The following WNT6 variants were observed in gnomAD, a reference collection of about 807,000 sequenced individuals.
The protein encoded by WNT6 is protein Wnt-6.
In WNT6, 27 loss-of-function variants were observed where a neutral mutation model predicts 33.1. That is an observed-to-expected ratio of 0.82 (90% CI 0.60 to 1.12). The LOEUF is 1.12. WNT6 is among the 50% of genes most tolerant of loss of function. The probability of loss-of-function intolerance (pLI) is 0.00; values close to 1 mark genes in which losing one functional copy is unlikely to be tolerated. For missense variants in WNT6, 494 were observed against 535.3 expected (o/e 0.92, Z 0.76); for synonymous variants, 249 against 242.8 (o/e 1.03, Z -0.24).
At chr2:218,865,163 C>T (rs1037562067) in intron 1 of WNT6, among the ~76,000 whole-genome samples, 6 of 152,204 alleles carry the variant, frequency 3.9e-5, no homozygotes, top group African/African-American at 1.4e-4. Context: ...GCTCATCAGG[C>T]CCAGCAAGCG....
In WNT6 at chr2:218,871,630, C is replaced by G. The variant is rs1323006410; in HGVS notation, c.447C>G (p.Pro149=). 6.8e-7 allele frequency: 1 copy of G among 1,472,664 alleles called. No homozygotes were observed. The highest frequency in any genetic ancestry group is 8.9e-7 in the Non-Finnish European group (1 of 1,117,538). 91.2% of individuals were successfully genotyped at this position (1,472,664 alleles called of 1,614,324 possible). ...CCCCTCCCCGGCCCTCCGGCCTGCC[C>G]GGCACCCCCGGACCCCCTGGCCCCG... ...GRAPPRPSGL[P]GTPGPPGPAG... The change falls in exon 3 of 4, where the codon CCC becomes CCG. Residue 149 remains proline, a synonymous_variant. Coordinates refer to ENST00000233948, the MANE Select transcript of WNT6 (RefSeq NM_006522.4). The surrounding 1 kb of genome is among the most constrained non-coding windows in gnomAD (Gnocchi z 6.4).
intron 3 of WNT6, among the ~76,000 whole-genome samples, chr2:218,872,354 A>G (rs539978712): frequency 6.6e-6 from 1 of 152,302 alleles, no homozygotes; most frequent in African/African-American, 2.4e-5. Context: ...AGGACAAGGA[A>G]CCAATCCTAG....
At chr2:218,870,960 C>A in intron 1 of WNT6, 67 bp from the exon 2 acceptor site, 2 of 1,439,332 alleles carry the variant, frequency 1.4e-6, no homozygotes, top group South Asian at 2.7e-5. Context: ...TGGGGCTGGT[C>A]CTCCTCCCTT....
At chr2:218,865,384 A>C (rs1449841333) in intron 1 of WNT6, among the ~76,000 whole-genome samples, 2 of 152,180 alleles carry the variant, frequency 1.3e-5, no homozygotes, top group African/African-American at 4.8e-5. Context: ...GCTGAGGGAG[A>C]GAAAGGGCTC....
At chr2:218,868,521 CG>C (rs1189908711) in intron 1 of WNT6, among the ~76,000 whole-genome samples, 2 of 152,032 alleles carry the variant, frequency 1.3e-5, no homozygotes, top group East Asian at 3.9e-4. Flanking sequence ...GCAGAGCCCC[CG>C]ACTCACAGGT....
At chr2:218,872,447 A>G (rs1184575308) in intron 3 of WNT6, among the ~76,000 whole-genome samples, 3 of 152,298 alleles carry the variant, frequency 2.0e-5, no homozygotes, top group African/African-American at 7.2e-5. Context: ...CAGCAACACC[A>G]GCCCAGGTCT....
chr2:218,863,795 A>G (rs10211343), intron 1 of WNT6, among the ~76,000 whole-genome samples: 29,730 of 152,070 alleles, frequency 0.2, 6,640 homozygotes, highest in African/African-American at 0.55. Context: ...GTTGCAGTGA[A>G]CCGAGATCCA....
At chr2:218,868,745 T>C (rs187953326) in intron 1 of WNT6, among the ~76,000 whole-genome samples, 2 of 152,342 alleles carry the variant, frequency 1.3e-5, no homozygotes, top group Admixed American at 1.3e-4. Flanking sequence ...TATAATATAC[T>C]ACAGGTATTA....
At position 218,871,842 on chromosome 2, in the gene WNT6, G is replaced by A; in HGVS notation, c.636+23G>A. 2 of 1,553,210 alleles carry A rather than the reference G, an allele frequency of 1.3e-6. No homozygotes were observed. The highest frequency in any genetic ancestry group is 1.7e-6 in the Non-Finnish European group (2 of 1,150,762). ...CTGGTGCGTACGGGCAGGATGGAGT[G>A]AGTGTGTGCGGAAATGTGAGTGTGC... On this transcript the variant is annotated intron_variant, in intron 3 of 3. Coordinates refer to ENST00000233948, the MANE Select transcript of WNT6 (RefSeq NM_006522.4). This position sits in a 1 kb window ranked among gnomAD's most constrained non-coding sequence, Gnocchi z 6.4.
intron 1 of WNT6, among the ~76,000 whole-genome samples, chr2:218,863,278 C>A (rs1409246186): frequency 1.3e-5 from 2 of 152,198 alleles, no homozygotes; most frequent in African/African-American, 4.8e-5. Flanking sequence ...CCTTCTTCTC[C>A]CTACTTGTCA....
rs1366275310 is a variant in WNT6, at chr2:218,871,129, G to A, written c.183G>A (p.Val61=). The A allele has an allele frequency of 1.2e-6, 2 of 1,613,860 alleles. No homozygotes were observed. The highest frequency in any genetic ancestry group is 2.2e-5 in the South Asian group (2 of 91,070). The stretch of plus-strand genomic sequence containing the variant: ...AGTTGTGCCAGGCTGAGCCGGAAGT[G>A]GTGGCAGAGCTAGCTCGGGGCGCCC... ...QAELCQAEPE[V]VAELARGARL... Residue 61 remains valine, a synonymous_variant, in exon 2 of 4, where the codon GTG becomes GTA. Transcript: ENST00000233948. This position sits in a 1 kb window ranked among gnomAD's most constrained non-coding sequence, Gnocchi z 6.4.
intron 1 of WNT6, 71 bp downstream of exon 1, chr2:218,860,188 G>T: frequency 7.4e-7 from 1 of 1,342,590 alleles, no homozygotes; most frequent in Admixed American, 3.0e-5. Context: ...GACAGACTGG[G>T]GTGTTCCGCA....
chr2:218,873,640 G>A lies in WNT6; in HGVS notation c.893G>A (p.Arg298Gln), dbSNP rs777435419. 44 of 1,581,068 alleles carry A rather than the reference G, an allele frequency of 2.8e-5. No homozygotes were observed. Among genetic ancestry groups the A allele is most frequent in the Non-Finnish European group, 3.7e-5 (43 of 1,171,030 alleles). Reference protein sequence around the residue: ...ADSPDFCAPNRRTGSPGTRGR... With the variant: ...ADSPDFCAPNQRTGSPGTRGR... ...TCGCCCGACTTCTGCGCCCCCAACC[G>A]ACGCACCGGCTCCCCCGGCACGCGC... The change falls in exon 4 of 4, where the codon CGA (arginine) becomes CAA (glutamine). Residue 298 changes from arginine to glutamine, a missense_variant. Transcript: ENST00000233948. The surrounding 1 kb of genome is among the most constrained non-coding windows in gnomAD (Gnocchi z 6.1).
chr2:218,873,583 C>T lies in WNT6; in HGVS notation c.836C>T (p.Pro279Leu), dbSNP rs1383614639. Reference protein sequence around the residue: ...LLPAVRTLKPPGRADLLYAAD... With the variant: ...LLPAVRTLKPLGRADLLYAAD... ...CCCGCCGTCCGCACGCTCAAGCCGC[C>T]GGGCCGAGCGGACCTCCTCTACGCC... Residue 279 changes from proline to leucine, a missense_variant, in exon 4 of 4, where the codon CCG (proline) becomes CTG (leucine). Coordinates refer to ENST00000233948, the MANE Select transcript of WNT6 (RefSeq NM_006522.4). The surrounding 1 kb of genome is among the most constrained non-coding windows in gnomAD (Gnocchi z 6.1). The T allele has an allele frequency of 2.6e-6, 4 of 1,543,514 alleles. No individual in the cohort carries two copies. The highest frequency in any genetic ancestry group is 1.4e-5 in the African/African-American group (1 of 72,748).
Position 218,871,396 on chromosome 2 carries a change from C to T in WNT6, c.302-89C>T, listed in dbSNP as rs1451788267. On this transcript the variant is annotated intron_variant, in intron 2 of 3. Transcript: ENST00000233948. This position sits in a 1 kb window ranked among gnomAD's most constrained non-coding sequence, Gnocchi z 6.4. Reference sequence around the variant, plus strand: ...TGCAAGGACCCTGCCTCCCAGGCCCCTGGGGCAGCCCTCCCGCCGCAGGTT... The same window carrying T: ...TGCAAGGACCCTGCCTCCCAGGCCCTTGGGGCAGCCCTCCCGCCGCAGGTT... 1.3e-6 allele frequency: 2 copies of T among 1,515,280 alleles called. No individual in the cohort carries two copies. The highest frequency in any genetic ancestry group is 1.4e-5 in the African/African-American group (1 of 72,748). The allele number at this position is 1,515,280 out of a possible 1,614,324, so 93.9% of individuals were successfully genotyped here.
Position 218,871,053 on chromosome 2 carries a change from AC to A in WNT6, c.110del (p.Pro37LeufsTer29). The A allele has an allele frequency of 6.2e-7, 1 of 1,612,788 alleles. No individual in the cohort carries two copies. On this transcript the variant is annotated frameshift_variant, in exon 2 of 4. Transcript: ENST00000233948. LOFTEE classifies it high-confidence loss of function. This position sits in a 1 kb window ranked among gnomAD's most constrained non-coding sequence, Gnocchi z 6.4. ...GCTGTGGGCAGCCCCTTGGTTATGG[AC>A]CCTACCAGCATCTGCAGGAAGGCAC... is the stretch of plus-strand genomic sequence containing the variant. ...WWAVGSPLVM[D>X]PTSICRKARR...
intron 1 of WNT6, among the ~76,000 whole-genome samples, chr2:218,862,553 G>A (rs1232448975): frequency 6.6e-6 from 1 of 151,802 alleles, no homozygotes; most frequent in Non-Finnish European, 1.5e-5. Context: ...GTTTAGTAGA[G>A]GTTTCACCAG....
intron 1 of WNT6, among the ~76,000 whole-genome samples, chr2:218,869,326 G>A (rs1944380327): frequency 6.6e-6 from 1 of 152,166 alleles, no homozygotes; most frequent in African/African-American, 2.4e-5. Context: ...ACCTCTTCAA[G>A]CATCTCCATC....
At chr2:218,865,697 G>C (rs1050004561) in intron 1 of WNT6, among the ~76,000 whole-genome samples, 3 of 152,122 alleles carry the variant, frequency 2.0e-5, no homozygotes, top group African/African-American at 7.2e-5. Flanking sequence ...CTGCTCCCCT[G>C]TCCCACCCTC....
Sources: allele counts gnomAD v4.1 joint callset (sites outside exome capture counted in the v4.1 genomes callset), GRCh38; gene constraint gnomAD v4.1.1; non-coding constraint Gnocchi (gnomAD v3.1); transcripts MANE v1.5; gene names NCBI Gene and HGNC (gene_info 2026-07-23, HGNC 2026-07-21).